The following LEKR1 variants were observed in gnomAD, a reference collection of about 807,000 sequenced individuals.
The protein encoded by LEKR1 is protein LEKR1.
LEKR1 carries 59 observed loss-of-function variants against 72.4 expected under a neutral mutation model. The observed-to-expected ratio is 0.82, with a 90% CI of 0.66 to 1.01. The LOEUF (loss-of-function observed/expected upper bound fraction) is 1.01, where lower values mean the gene tolerates loss of function less well. LEKR1 is among the 50% of genes least tolerant of loss of function. The pLI is 0.00. For missense variants in LEKR1, 728 were observed against 759.2 expected, an observed-to-expected ratio of 0.96 and a Z score of 0.48; for synonymous variants, 257 against 263.2, an observed-to-expected ratio of 0.98 and a Z score of 0.23.
At chr3:156,852,462 G>A (rs1715479424) in intron 2 of LEKR1, among the ~76,000 whole-genome samples, 1 of 152,122 alleles carries the variant, frequency 6.6e-6, no homozygotes, top group Non-Finnish European at 1.5e-5. Context: ...GAATTATAAA[G>A]ATTATAAATT....
At chr3:156,936,919 C>G (rs1725766611) in intron 5 of LEKR1, among the ~76,000 whole-genome samples, 1 of 152,120 alleles carries the variant, frequency 6.6e-6, no homozygotes, top group Admixed American at 6.6e-5. Flanking sequence ...GCAAAGAGTT[C>G]TTAAACTTGA....
Position 156,966,588 on chromosome 3 carries a change from C to T in LEKR1, c.746-12606C>T, listed in dbSNP as rs1471944238. Among the ~76,000 whole-genome samples, 5 of 152,268 alleles carry T rather than the reference C, an allele frequency of 3.3e-5. No individual in the cohort carries two copies. The East Asian group carries it at 9.7e-4, about 29-fold the overall frequency. On this transcript the variant is annotated intron_variant, in intron 6 of 12. Coordinates refer to ENST00000356539, the MANE Select transcript of LEKR1 (RefSeq NM_001004316.3). ...TGGCAGTGAGGCTGGGGGAGGGGTG[C>T]CTGCCATTGCCGAGGCTTGAGTAGG...
At chr3:157,007,097 G>A (rs1056861380) in intron 9 of LEKR1, among the ~76,000 whole-genome samples, 2 of 152,172 alleles carry the variant, frequency 1.3e-5, no homozygotes, top group African/African-American at 4.8e-5. Context: ...AGCTACTCGG[G>A]AGGCTGAGGC....
intron 11 of LEKR1, among the ~76,000 whole-genome samples, chr3:157,026,228 G>A (rs996868781): frequency 3.9e-5 from 6 of 151,986 alleles, no homozygotes; most frequent in African/African-American, 9.7e-5. Context: ...AGGCTCCACC[G>A]AGTCTCCCCC....
intron 10 of LEKR1, among the ~76,000 whole-genome samples, chr3:157,016,050 C>G (rs143811687): frequency 6.6e-6 from 1 of 151,480 alleles, no homozygotes; most frequent in African/African-American, 2.4e-5. Context: ...AAAACAAAAA[C>G]AAACAAAAAA....
intron 7 of LEKR1, 148 bp downstream of exon 7, chr3:156,979,423 AG>A (rs1369794794): frequency 9.0e-6 from 3 of 335,058 alleles, no homozygotes. Flanking sequence ...TGTGGGTAAT[AG>A]TTTACTGCTG....
chr3:156,839,550 G>T (rs1713616635), intron 2 of LEKR1, among the ~76,000 whole-genome samples: 2 of 152,298 alleles, frequency 1.3e-5, no homozygotes, highest in South Asian at 2.1e-4. Context: ...TGGCAAAAAA[G>T]GTCAGAGGGT....
At chr3:156,983,716 G>A (rs1339773358) in intron 7 of LEKR1, among the ~76,000 whole-genome samples, 2 of 152,066 alleles carry the variant, frequency 1.3e-5, no homozygotes, top group African/African-American at 4.8e-5. Context: ...AAACAGCCTG[G>A]CAGCTACTGA....
intron 9 of LEKR1, among the ~76,000 whole-genome samples, chr3:157,006,924 G>A (rs1032829725): frequency 1.3e-5 from 2 of 152,228 alleles, no homozygotes; most frequent in African/African-American, 4.8e-5. Flanking sequence ...AGAGGCGGAT[G>A]GGCACGGCGG....
intron 2 of LEKR1, among the ~76,000 whole-genome samples, chr3:156,849,665 C>CGGA (rs1715091210): frequency 6.6e-6 from 1 of 152,280 alleles, no homozygotes; most frequent in Admixed American, 6.5e-5. Context: ...GGAAAGGATT[C>CGGA]CCTATTTAAT....
chr3:156,952,130 T>C (rs1727211583), intron 6 of LEKR1, among the ~76,000 whole-genome samples: 1 of 151,422 alleles, frequency 6.6e-6, no homozygotes, highest in Non-Finnish European at 1.5e-5. Flanking sequence ...AAGCTCTATT[T>C]AAAGATACAC....
chr3:156,952,456 C>T (rs1727245402), intron 6 of LEKR1, among the ~76,000 whole-genome samples: 1 of 151,168 alleles, frequency 6.6e-6, no homozygotes, highest in South Asian at 2.1e-4. Context: ...ATCTTTTTTC[C>T]TTCAAAAACG....
chr3:157,044,246 C>T (rs1735581095), intron 12 of LEKR1, among the ~76,000 whole-genome samples: 1 of 152,182 alleles, frequency 6.6e-6, no homozygotes, highest in African/African-American at 2.4e-5. Context: ...TGTTTACTTA[C>T]TAGGATACTG....
intron 6 of LEKR1, among the ~76,000 whole-genome samples, chr3:156,961,301 C>T (rs1190213513): frequency 6.6e-6 from 1 of 152,116 alleles, no homozygotes; most frequent in Non-Finnish European, 1.5e-5. Flanking sequence ...ACAAAATTCA[C>T]CCACTTTAAG....
At chr3:156,967,653 T>G (rs1182621401) in intron 6 of LEKR1, among the ~76,000 whole-genome samples, 8 of 152,134 alleles carry the variant, frequency 5.3e-5, no homozygotes, top group Non-Finnish European at 1.2e-4. Flanking sequence ...ATCTGATTGG[T>G]GTACCTGAAA....
Position 156,919,920 on chromosome 3 carries a change from A to G in LEKR1, c.264-655A>G, listed in dbSNP as rs994524681. Among the ~76,000 whole-genome samples, 13 of 152,260 alleles carry G rather than the reference A, an allele frequency of 8.5e-5. No individual in the cohort carries two copies. The South Asian group carries it at 2.3e-3, about 27-fold the overall frequency. On this transcript the variant is annotated intron_variant, in intron 3 of 12. Transcript: ENST00000356539. Reference sequence around the variant, plus strand: ...CATTCATTCATTATACCAAAAGTTAACTCATGTTCTTCCAAATGACTTCTT... The same window carrying G: ...CATTCATTCATTATACCAAAAGTTAGCTCATGTTCTTCCAAATGACTTCTT...
chr3:156,956,112 G>A (rs1727609759), intron 6 of LEKR1, among the ~76,000 whole-genome samples: 1 of 151,806 alleles, frequency 6.6e-6, no homozygotes, highest in African/African-American at 2.4e-5. Context: ...TAAGAGGGTG[G>A]AAGAACCAGG....
chr3:156,941,137 A>AG (rs1282424514), intron 5 of LEKR1, among the ~76,000 whole-genome samples: 3 of 107,116 alleles, frequency 2.8e-5, no homozygotes, highest in South Asian at 3.5e-4. Flanking sequence ...AGCTATTTTG[A>AG]GGAAAAAAAA....
chr3:157,025,919 T>C (rs1404986944), intron 11 of LEKR1, among the ~76,000 whole-genome samples: 2 of 151,946 alleles, frequency 1.3e-5, no homozygotes, highest in Admixed American at 1.3e-4. Context: ...AGTATGTTCA[T>C]ACCAGTGTAT....
Sources: gnomAD v4.1 joint callset for allele counts (sites outside exome capture counted in the v4.1 genomes callset) on GRCh38, gnomAD v4.1.1 for gene constraint, MANE v1.5 for transcripts, NCBI Gene and HGNC (gene_info 2026-07-23, HGNC 2026-07-21) for gene names.